The following LMBRD1 variants were observed in gnomAD, a reference collection of about 807,000 sequenced individuals.
LMBRD1 encodes lysosomal cobalamin transport escort protein LMBD1.
Under a neutral mutation model 74.8 loss-of-function variants are expected in LMBRD1, and 64 were observed. The observed-to-expected ratio is 0.86, with a 90% confidence interval of 0.70 to 1.05. The LOEUF is 1.05. Among genes scored for constraint, LMBRD1 ranks in the 50% least tolerant of loss-of-function variants. The pLI is 0.00. For missense variants in LMBRD1, 652 were observed against 645.9 expected (o/e 1.01, Z -0.10); for synonymous variants, 204 against 216.3 (o/e 0.94, Z 0.50).
At chr6:69,793,243 ACT>A (rs1481575549) in intron 1 of LMBRD1, among the ~76,000 whole-genome samples, 1 of 152,242 alleles carries the variant, frequency 6.6e-6, no homozygotes, top group East Asian at 1.9e-4. Flanking sequence ...TGGTCTGAAC[ACT>A]GAGATTTTTA....
chr6:69,780,905 G>A (rs955101740), intron 2 of LMBRD1, among the ~76,000 whole-genome samples: 10 of 152,118 alleles, frequency 6.6e-5, no homozygotes, highest in East Asian at 1.9e-4. Context: ...TACACAGAAC[G>A]TTTGAAAAAA....
chr6:69,792,786 G>C (rs1766114398), intron 1 of LMBRD1, among the ~76,000 whole-genome samples: 1 of 152,098 alleles, frequency 6.6e-6, no homozygotes, highest in Non-Finnish European at 1.5e-5. Context: ...TTTTTTATTG[G>C]ATTTCAAGAA....
chr6:69,763,067 T>TCA lies in LMBRD1; in HGVS notation c.308-10712_308-10711insTG, dbSNP rs1562117124. 2.6e-5 allele frequency among the ~76,000 whole-genome samples: 4 copies of TCA among 151,058 alleles called. No homozygotes were observed. The East Asian group carries it at 7.8e-4, about 30-fold the overall frequency. On this transcript the variant is annotated intron_variant, in intron 3 of 15. Transcript: ENST00000649934. ...ACATGCCACTGGACAATTTTTTTTTTAAGTAATGTTATAAAATAGCAAAGA... is the reference window on the plus strand; with the variant it reads ...ACATGCCACTGGACAATTTTTTTTTTCAAAGTAATGTTATAAAATAGCAAAGA...
intron 8 of LMBRD1, among the ~76,000 whole-genome samples, chr6:69,718,706 C>G (rs940702371): frequency 6.6e-6 from 1 of 152,182 alleles, no homozygotes; most frequent in Non-Finnish European, 1.5e-5. Flanking sequence ...ATCATGAGAA[C>G]ACCATGAGGG....
At chr6:69,729,186 T>C (rs1246705276) in intron 7 of LMBRD1, among the ~76,000 whole-genome samples, 2 of 147,840 alleles carry the variant, frequency 1.4e-5, no homozygotes, top group Non-Finnish European at 3.0e-5. Flanking sequence ...CATACACATT[T>C]TATTCCATGT....
chr6:69,705,697 CT>C, intron 9 of LMBRD1: 5 of 1,031,468 alleles, frequency 4.8e-6, no homozygotes, highest in Non-Finnish European at 7.5e-6. Flanking sequence ...GCAAGTTTTA[CT>C]TTTTTCTGTG....
At chr6:69,740,606 T>G (rs754052274) in intron 6 of LMBRD1, among the ~76,000 whole-genome samples, 1 of 152,222 alleles carries the variant, frequency 6.6e-6, no homozygotes, top group South Asian at 2.1e-4. Context: ...AGATCTTAAG[T>G]GGAAAGCAAG....
chr6:69,679,613 G>T (rs778254830), intron 14 of LMBRD1, among the ~76,000 whole-genome samples: 1 of 151,836 alleles, frequency 6.6e-6, no homozygotes, highest in African/African-American at 2.4e-5. Context: ...AGATTCCAAG[G>T]GTATAAAAAT....
intron 14 of LMBRD1, among the ~76,000 whole-genome samples, chr6:69,686,482 T>C (rs997901047): frequency 6.6e-6 from 1 of 152,202 alleles, no homozygotes; most frequent in East Asian, 1.9e-4. Flanking sequence ...AAAAGAAATG[T>C]ATAACCTTAA....
At chr6:69,703,989 GATT>G (rs1766192509) in intron 9 of LMBRD1, among the ~76,000 whole-genome samples, 1 of 152,008 alleles carries the variant, frequency 6.6e-6, no homozygotes, top group Non-Finnish European at 1.5e-5. Context: ...ATTTTCTCAT[GATT>G]ATATTTAGAT....
At chr6:69,686,253 T>C (rs958562238) in intron 14 of LMBRD1, among the ~76,000 whole-genome samples, 9 of 152,220 alleles carry the variant, frequency 5.9e-5, no homozygotes, top group African/African-American at 2.2e-4. Context: ...AATTCTCGTT[T>C]AGAGTTCCCC....
intron 3 of LMBRD1, among the ~76,000 whole-genome samples, chr6:69,774,460 T>C (rs577117978): frequency 6.6e-6 from 1 of 152,226 alleles, no homozygotes; most frequent in Non-Finnish European, 1.5e-5. Flanking sequence ...TGCTTAGGGT[T>C]TGGGATAGTT....
chr6:69,691,312 C>G (rs926741941), intron 14 of LMBRD1, among the ~76,000 whole-genome samples: 11 of 150,884 alleles, frequency 7.3e-5, no homozygotes, highest in Non-Finnish European at 1.3e-4. Flanking sequence ...ACTTTTATCT[C>G]TTGGTACCCT....
chr6:69,795,719 T>G (rs1198882881), intron 1 of LMBRD1, among the ~76,000 whole-genome samples: 1 of 152,224 alleles, frequency 6.6e-6, no homozygotes, highest in African/African-American at 2.4e-5. Flanking sequence ...AGGCAGTGTT[T>G]TTATCTGTGA....
chr6:69,698,833 T>C (rs1766062249), intron 13 of LMBRD1, among the ~76,000 whole-genome samples: 1 of 151,832 alleles, frequency 6.6e-6, no homozygotes. Context: ...AAGAAACTAC[T>C]GTAATGAAAT....
At chr6:69,720,973 C>T (rs1442184755) in intron 7 of LMBRD1, among the ~76,000 whole-genome samples, 2 of 152,186 alleles carry the variant, frequency 1.3e-5, no homozygotes, top group Admixed American at 1.3e-4. Flanking sequence ...ACACTGAACT[C>T]AGTGCTGTCC....
At chr6:69,711,515 T>A (rs1343677352) in intron 9 of LMBRD1, among the ~76,000 whole-genome samples, 1 of 152,102 alleles carries the variant, frequency 6.6e-6, no homozygotes, top group African/African-American at 2.4e-5. Context: ...TAAATATTTA[T>A]AAAAACCTAA....
chr6:69,701,656 G>C (rs1766133847), intron 10 of LMBRD1, 111 bp from the exon 11 acceptor site: 2 of 718,662 alleles, frequency 2.8e-6, no homozygotes, highest in East Asian at 5.4e-5. Context: ...GAAAACAATG[G>C]ATAACAAATT....
Position 69,676,017 on chromosome 6 carries a change from TATA to T in LMBRD1, c.*138_*140del. 1.5e-6 allele frequency: 1 copy of T among 676,404 alleles called. No individual in the cohort carries two copies. The highest frequency in any genetic ancestry group is 1.7e-5 in the South Asian group (1 of 60,246). 41.9% of individuals were successfully genotyped at this position (676,404 alleles called of 1,614,324 possible). A position where few individuals can be genotyped will look rare whatever the true frequency, so the allele number is the denominator to read the frequency against. ...TGATACAATGTTACTTCAGAAAACATATAATAAAATATAGTTGTCTTATAGCCA... is the reference window on the plus strand; with the variant it reads ...TGATACAATGTTACTTCAGAAAACATATAAAATATAGTTGTCTTATAGCCA... On this transcript the variant is annotated 3_prime_UTR_variant, in exon 16 of 16. Transcript: ENST00000649934.
Sources: gnomAD v4.1 joint callset for allele counts (sites outside exome capture counted in the v4.1 genomes callset) on GRCh38, gnomAD v4.1.1 for gene constraint, MANE v1.5 for transcripts, NCBI Gene and HGNC (gene_info 2026-07-23, HGNC 2026-07-21) for gene names.